SGIP1: variants seen among roughly 807,000 people sequenced by gnomAD.
SGIP1 encodes the protein SH3GL interacting endocytic adaptor 1, also known as SH3-containing GRB2-like protein 3-interacting protein 1.
A neutral mutation model predicts 107.5 loss-of-function variants in SGIP1; 38 were observed. The ratio of observed to expected loss-of-function variants is 0.35; its 90% CI spans 0.27 to 0.46. SGIP1 has a LOEUF of 0.46. Ranked by LOEUF, SGIP1 falls within the 20% of genes least tolerant of loss-of-function variation. SGIP1 has a pLI of 1.00. For missense variants in SGIP1, 929 were observed against 1,019.5 expected (o/e 0.91, Z 1.21); for synonymous variants, 365 against 366.1 (o/e 1.00, Z 0.03).
intron 18 of SGIP1, among the ~76,000 whole-genome samples, chr1:66,707,139 G>T (rs2092577999): frequency 6.6e-6 from 1 of 151,994 alleles, no homozygotes; most frequent in South Asian, 2.1e-4. Context: ...GCATTTACTT[G>T]ATCCCAAGAA....
chr1:66,679,103 T>C (rs1285674998), intron 13 of SGIP1, among the ~76,000 whole-genome samples: 1 of 152,236 alleles, frequency 6.6e-6, no homozygotes, highest in East Asian at 1.9e-4. Flanking sequence ...TCATTCCTCC[T>C]TGACCCAAGC....
intron 19 of SGIP1, among the ~76,000 whole-genome samples, chr1:66,726,579 C>A (rs944499088): frequency 2.0e-5 from 3 of 152,138 alleles, no homozygotes; most frequent in African/African-American, 7.2e-5. Context: ...CAGAAATTGA[C>A]TCACACAGAT....
At chr1:66,608,249 T>C (rs902158436) in intron 1 of SGIP1, among the ~76,000 whole-genome samples, 1 of 152,254 alleles carries the variant, frequency 6.6e-6, no homozygotes, top group Admixed American at 6.5e-5. Context: ...GAAAAGTACA[T>C]GGCAGGCATT....
intron 9 of SGIP1, among the ~76,000 whole-genome samples, chr1:66,669,805 A>C (rs1200281364): frequency 6.6e-6 from 1 of 152,204 alleles, no homozygotes; most frequent in Non-Finnish European, 1.5e-5. Flanking sequence ...GTTCAGATTG[A>C]AACTGCTCCC....
At chr1:66,661,836 C>T (rs1299189683) in intron 8 of SGIP1, among the ~76,000 whole-genome samples, 6 of 152,014 alleles carry the variant, frequency 3.9e-5, no homozygotes, top group African/African-American at 7.3e-5. Context: ...TCCTGTTGTC[C>T]TTCACGGCAA....
intron 1 of SGIP1, among the ~76,000 whole-genome samples, chr1:66,593,181 C>T (rs1470827904): frequency 6.6e-6 from 1 of 152,046 alleles, no homozygotes; most frequent in Non-Finnish European, 1.5e-5. Context: ...ATGGCTTATT[C>T]ATTTATTCAC....
rs2086974049 is a variant in SGIP1 at position 66,682,483 on chromosome 1, C to T, written c.1315+114C>T. Reference sequence around the variant, plus strand: ...TGGCTTCAGAGCTTCAGCCCTCACTCCTCTAGTCTGGGTGTCCTGTGGCCC... The same window carrying T: ...TGGCTTCAGAGCTTCAGCCCTCACTTCTCTAGTCTGGGTGTCCTGTGGCCC... On this transcript the variant is annotated intron_variant, in intron 15 of 24. Coordinates refer to ENST00000371037, the MANE Select transcript of SGIP1 (RefSeq NM_032291.4). The T allele has an allele frequency of 8.4e-6, 11 of 1,311,032 alleles. No homozygotes were observed. The South Asian group carries it at 1.6e-4, about 19-fold the overall frequency. 81.2% of individuals were successfully genotyped at this position (1,311,032 alleles called of 1,614,324 possible).
chr1:66,596,058 A>G (rs565158071), intron 1 of SGIP1, among the ~76,000 whole-genome samples: 2 of 151,648 alleles, frequency 1.3e-5, no homozygotes, highest in Non-Finnish European at 2.9e-5. Flanking sequence ...ACAAACCTAC[A>G]CAAGTGCACA....
intron 9 of SGIP1, among the ~76,000 whole-genome samples, chr1:66,668,019 C>A (rs923981048): frequency 6.6e-6 from 1 of 152,248 alleles, no homozygotes; most frequent in East Asian, 1.9e-4. Flanking sequence ...ACAGATACAT[C>A]ATTATAATTT....
intron 1 of SGIP1, among the ~76,000 whole-genome samples, chr1:66,585,552 TAAAA>T (rs1004251010): frequency 7.0e-6 from 1 of 142,822 alleles, no homozygotes; most frequent in Non-Finnish European, 1.6e-5. Context: ...TGAGAAAAAT[TAAAA>T]AGAGCTTTGG....
At chr1:66,633,805 G>GAA (rs11420348) in intron 3 of SGIP1, among the ~76,000 whole-genome samples, 2,646 of 151,034 alleles carry the variant, frequency 0.018, 75 homozygotes, top group African/African-American at 0.058. Flanking sequence ...AGCTGTTACT[G>GAA]AAAAAAAAAT....
At chr1:66,741,212 C>T (rs2094437225) in intron 23 of SGIP1, 60 bp from the exon 24 acceptor site, 9 of 1,476,156 alleles carry the variant, frequency 6.1e-6, no homozygotes, top group East Asian at 2.4e-5. Flanking sequence ...ATGCAACCTC[C>T]AAAATTATAT....
intron 21 of SGIP1, among the ~76,000 whole-genome samples, chr1:66,734,781 CAGGCATG>C (rs1422474365): frequency 2.6e-5 from 4 of 152,140 alleles, no homozygotes; most frequent in Non-Finnish European, 4.4e-5. Flanking sequence ...GCTGGGATTA[CAGGCATG>C]AGCCACCACA....
intron 1 of SGIP1, among the ~76,000 whole-genome samples, chr1:66,543,781 T>G (rs2055609569): frequency 6.6e-6 from 1 of 152,312 alleles, no homozygotes; most frequent in Non-Finnish European, 1.5e-5. Context: ...TGGCCTCAGC[T>G]TCCCCATTTG....
At chr1:66,580,410 A>G (rs905448306) in intron 1 of SGIP1, among the ~76,000 whole-genome samples, 2 of 152,168 alleles carry the variant, frequency 1.3e-5, no homozygotes, top group African/African-American at 4.8e-5. Context: ...GTCTCTACTC[A>G]GATATCACCT....
chr1:66,742,959 G>T, intron 24 of SGIP1, 114 bp from the exon 25 acceptor site: 7 of 996,278 alleles, frequency 7.0e-6, no homozygotes, highest in Non-Finnish European at 1.1e-5. Context: ...TACCTCTGAA[G>T]TATGCAGTAT....
chr1:66,560,140 T>C (rs1465090620), intron 1 of SGIP1, among the ~76,000 whole-genome samples: 1 of 152,062 alleles, frequency 6.6e-6, no homozygotes, highest in African/African-American at 2.4e-5. Flanking sequence ...CCCTTCTCTT[T>C]GCTGTCATTG....
At chr1:66,638,941 C>A (rs1435798870) in intron 4 of SGIP1, among the ~76,000 whole-genome samples, 1 of 152,188 alleles carries the variant, frequency 6.6e-6, no homozygotes, top group Non-Finnish European at 1.5e-5. Context: ...ATGAACCCTC[C>A]TTTACCAACG....
chr1:66,568,385 A>G (rs980891412), intron 1 of SGIP1, among the ~76,000 whole-genome samples: 1 of 152,032 alleles, frequency 6.6e-6, no homozygotes, highest in Non-Finnish European at 1.5e-5. Flanking sequence ...CAGCTTAAGG[A>G]GTTTTTGGGC....
Sources: allele counts gnomAD v4.1 joint callset (sites outside exome capture counted in the v4.1 genomes callset), GRCh38; gene constraint gnomAD v4.1.1; transcripts MANE v1.5; gene names NCBI Gene and HGNC (gene_info 2026-07-23, HGNC 2026-07-21).